VPS72: variants seen among roughly 807,000 people sequenced by gnomAD.
VPS72 encodes vacuolar protein sorting-associated protein 72 homolog.
VPS72 carries 27 observed loss-of-function variants against 38.9 expected under a neutral mutation model. That is an observed-to-expected ratio of 0.69 (90% confidence interval 0.51 to 0.96). The LOEUF (loss-of-function observed/expected upper bound fraction) is 0.96. Among genes scored for constraint, VPS72 ranks in the 40% least tolerant of loss-of-function variants. The pLI is 0.00. For missense variants in VPS72, 360 were observed against 479.5 expected (o/e 0.75, Z 2.33); for synonymous variants, 173 against 186.3 (o/e 0.93, Z 0.58).
intron 1 of VPS72, among the ~76,000 whole-genome samples, chr1:151,186,961 G>C (rs895314556): frequency 2.0e-5 from 3 of 152,146 alleles, no homozygotes; most frequent in Non-Finnish European, 4.4e-5. Flanking sequence ...AATCATTGTT[G>C]AGGTAAACTA....
intron 3 of VPS72, among the ~76,000 whole-genome samples, chr1:151,185,128 A>C (rs1025607951): frequency 2.6e-5 from 4 of 151,824 alleles, no homozygotes; most frequent in African/African-American, 9.7e-5. Flanking sequence ...AACATCAGTA[A>C]ATTTTTTCTT....
intron 5 of VPS72, 122 bp downstream of exon 5, chr1:151,177,879 A>T: frequency 8.9e-7 from 1 of 1,117,450 alleles, no homozygotes; most frequent in Non-Finnish European, 1.3e-6. Flanking sequence ...AGCTGAAGGG[A>T]GTTAGGAATC....
At chr1:151,187,135 G>C (rs587600586) in intron 1 of VPS72, among the ~76,000 whole-genome samples, 1 of 152,288 alleles carries the variant, frequency 6.6e-6, no homozygotes, top group South Asian at 2.1e-4. Context: ...AGATGGCCTG[G>C]AGTAGAGAAC....
chr1:151,187,145 C>G (rs761061213), intron 1 of VPS72, among the ~76,000 whole-genome samples: 1 of 151,996 alleles, frequency 6.6e-6, no homozygotes, highest in Non-Finnish European at 1.5e-5. Context: ...GAGTAGAGAA[C>G]GTGAAGTACA....
At chr1:151,178,659 T>TA (rs1413414481) in intron 4 of VPS72, among the ~76,000 whole-genome samples, 2 of 152,068 alleles carry the variant, frequency 1.3e-5, no homozygotes, top group Non-Finnish European at 2.9e-5. Context: ...GGTAGGAAAT[T>TA]ATATTTAAAT....
rs1484599237 is a variant in VPS72, at chr1:151,184,462, C to T, written c.417G>A (p.Glu139=). The change falls in exon 4 of 6, where the codon GAG becomes GAA. Residue 139 remains glutamate, a synonymous_variant. Coordinates refer to ENST00000368892, the MANE Select transcript of VPS72 (RefSeq NM_005997.3). ...CCCGAAGGAACGTTTGTCGTGTATG[C>T]TCAGCTGTAGACTGACGCATAGACT... is the stretch of plus-strand genomic sequence containing the variant. ...SRKSMRQSTA[E]HTRQTFLRVQ... 2 of 1,613,816 alleles carry T rather than the reference C, an allele frequency of 1.2e-6. No homozygotes were observed. The highest frequency in any genetic ancestry group is 8.5e-7 in the Non-Finnish European group (1 of 1,180,052).
chr1:151,178,576 C>G (rs1157576102), intron 4 of VPS72, among the ~76,000 whole-genome samples: 2 of 151,898 alleles, frequency 1.3e-5, no homozygotes, highest in Non-Finnish European at 2.9e-5. Context: ...TTGCAGTGAG[C>G]TGAGATGGCA....
chr1:151,190,124 C>G lies in VPS72; in HGVS notation c.-3G>C, dbSNP rs1181316698. 1 of 1,612,812 alleles carries G rather than the reference C, an allele frequency of 6.2e-7. No individual in the cohort carries two copies. Among genetic ancestry groups the G allele is most frequent in the East Asian group, 2.2e-5 (1 of 44,866 alleles). ...GCCCGGCCCCCAGCCAAACTCATACCGCCTACCGAGACTGCGCCGCCACCT... is the reference window on the plus strand; with the variant it reads ...GCCCGGCCCCCAGCCAAACTCATACGGCCTACCGAGACTGCGCCGCCACCT... On this transcript the variant is annotated 5_prime_UTR_variant, in exon 1 of 6. Transcript: ENST00000368892.
intron 4 of VPS72, among the ~76,000 whole-genome samples, chr1:151,181,495 G>A (rs587595190): frequency 1.6e-4 from 24 of 151,682 alleles, no homozygotes; most frequent in African/African-American, 5.1e-4. Flanking sequence ...CGCCTGCCTC[G>A]GCCTCCCAAA....
Position 151,180,406 on chromosome 1 carries a change from T to C in VPS72, c.563-2261A>G, listed in dbSNP as rs112174332. 4.4e-3 allele frequency among the ~76,000 whole-genome samples: 667 copies of C among 152,164 alleles called. 6 individuals carry two copies. The highest frequency in any genetic ancestry group is 0.015 in the African/African-American group (632 of 41,504). ...TGTTTGATAATACTGCTTTCTCTCC[T>C]TTGAGCCAGTCTTCCAACGCCTCAA... is the stretch of plus-strand genomic sequence containing the variant. On this transcript the variant is annotated intron_variant, in intron 4 of 5. Coordinates refer to ENST00000368892, the MANE Select transcript of VPS72 (RefSeq NM_005997.3).
chr1:151,189,874 A>C, intron 1 of VPS72, 131 bp downstream of exon 1: 5 of 1,051,682 alleles, frequency 4.8e-6, no homozygotes, highest in Non-Finnish European at 7.0e-6. Context: ...GCTCCGATTC[A>C]CCCACCCAAC....
intron 4 of VPS72, 76 bp from the exon 5 acceptor site, chr1:151,178,221 C>A: frequency 6.7e-7 from 1 of 1,498,232 alleles, no homozygotes; most frequent in Non-Finnish European, 8.9e-7. Context: ...GTCCCACGAT[C>A]TCTCAATTAT....
chr1:151,178,652 A>G (rs1053494312), intron 4 of VPS72, among the ~76,000 whole-genome samples: 6 of 152,164 alleles, frequency 3.9e-5, no homozygotes, highest in Non-Finnish European at 7.3e-5. Context: ...TTAGTAAGGT[A>G]GGAAATTATA....
chr1:151,189,921 G>A lies in VPS72; in HGVS notation c.117+84C>T. The A allele has an allele frequency of 6.2e-6, 9 of 1,452,316 alleles. No individual in the cohort carries two copies. The South Asian group carries it at 1.1e-4, about 18-fold the overall frequency. The allele number at this position is 1,452,316 out of a possible 1,614,324, so 90.0% of individuals were successfully genotyped here. ...CTCCCAGAGCTCCTCTCTATTCCCC[G>A]CCCTCTTCTTCTTTGTCCGGGGTTT... On this transcript the variant is annotated intron_variant, in intron 1 of 5. Coordinates refer to ENST00000368892, the MANE Select transcript of VPS72 (RefSeq NM_005997.3).
chr1:151,184,358 C>T lies in VPS72; in HGVS notation c.521G>A (p.Arg174Gln), dbSNP rs758220676. The T allele has an allele frequency of 2.0e-5, 32 of 1,613,974 alleles. No homozygotes were observed. The highest frequency in any genetic ancestry group is 1.5e-4 in the Admixed American group (9 of 59,964). Residue 174 changes from arginine (R) to glutamine (Q), a missense_variant, in exon 4 of 6, where the codon CGG (arginine) becomes CAG (glutamine). Around this residue, in one of 2 missense-constraint regions of VPS72, gnomAD observed 294 missense variants for 356.3 expected, o/e 0.83. Transcript: ENST00000368892. Reference protein sequence around the residue: ...ERPLTQEELLREAKITEELNL... With the variant: ...ERPLTQEELLQEAKITEELNL... ...AAGCTCTTCTGTGATCTTGGCCTCC[C>T]GGAGCAGTTCCTCCTGGGTTAGTGG...
Position 151,190,079 on chromosome 1 carries a change from T to C in VPS72, c.43A>G (p.Asn15Asp). 6.2e-7 allele frequency: 1 copy of C among 1,614,086 alleles called. No homozygotes were observed. Among genetic ancestry groups the C allele is most frequent in the Non-Finnish European group, 8.5e-7 (1 of 1,180,008 alleles). Residue 15 changes from asparagine to aspartate, a missense_variant, in exon 1 of 6, where the codon AAC (asparagine) becomes GAC (aspartate). Asn to Asp is a conservative substitution (Grantham distance 23). This residue lies in a region of VPS72 where 66 missense variants were observed against 123.1 expected (regional missense o/e 0.54). Coordinates refer to ENST00000368892, the MANE Select transcript of VPS72 (RefSeq NM_005997.3). ...GCCTCCAAAAGCCCAGAAAGCCGGTTCCCAGCGGTCTTCCGGGGTGCCCGG... is the reference window on the plus strand; with the variant it reads ...GCCTCCAAAAGCCCAGAAAGCCGGTCCCCAGCGGTCTTCCGGGGTGCCCGG... ...GGRAPRKTAG[N>D]RLSGLLEAEE...
chr1:151,189,941 G>C (rs970794546), intron 1 of VPS72, 64 bp downstream of exon 1: 26 of 1,563,298 alleles, frequency 1.7e-5, no homozygotes, highest in Non-Finnish European at 2.2e-5. Flanking sequence ...TCTTTGTCCG[G>C]GGTTTCTCCC....
At position 151,184,336 on chromosome 1, in the gene VPS72, C is replaced by G; in HGVS notation, c.543G>C (p.Glu181Asp). ...ACTTACCCAGTGACCGTAAATTAAG[C>G]TCTTCTGTGATCTTGGCCTCCCGGA... ...ELLREAKITE[E>D]LNLRSLETYE... is the part of the protein sequence containing the mutation. Residue 181 changes from glutamate to aspartate, a missense_variant, in exon 4 of 6, where the codon GAG becomes GAC. Glu to Asp is a conservative substitution (Grantham distance 45). Around this residue, in one of 2 missense-constraint regions of VPS72, gnomAD observed 294 missense variants for 356.3 expected, o/e 0.83. Coordinates refer to ENST00000368892, the MANE Select transcript of VPS72 (RefSeq NM_005997.3). The G allele has an allele frequency of 1.2e-6, 2 of 1,614,068 alleles. No individual in the cohort carries two copies. The highest frequency in any genetic ancestry group is 1.7e-6 in the Non-Finnish European group (2 of 1,180,006).
At chr1:151,182,699 G>A (rs189725369) in intron 4 of VPS72, among the ~76,000 whole-genome samples, 4 of 152,076 alleles carry the variant, frequency 2.6e-5, no homozygotes, top group Non-Finnish European at 4.4e-5. Flanking sequence ...ACTAATCATC[G>A]TCTCAGCAGC....
Sources: gnomAD v4.1 joint callset for allele counts (sites outside exome capture counted in the v4.1 genomes callset) on GRCh38, gnomAD v4.1.1 for gene constraint, gnomAD v4.1.1 regional missense constraint, MANE v1.5 for transcripts, NCBI Gene and HGNC (gene_info 2026-07-23, HGNC 2026-07-21) for gene names.